The following MCPH1 variants were observed in gnomAD, a reference collection of about 807,000 sequenced individuals.
The protein encoded by MCPH1 is microcephalin 1.
A neutral mutation model predicts 84.5 loss-of-function variants in MCPH1; 104 were observed. The observed-to-expected ratio is 1.23, with a 90% CI of 1.05 to 1.45. The LOEUF (loss-of-function observed/expected upper bound fraction) is 1.45, where lower values mean the gene tolerates loss of function less well. Ranked by LOEUF, MCPH1 falls within the 40% of genes most tolerant of loss-of-function variation. The pLI, the probability that MCPH1 is intolerant of heterozygous loss-of-function variation, is 0.00. For missense variants in MCPH1, 1,498 were observed against 1,005.7 expected (o/e 1.49, Z -6.62); for synonymous variants, 514 against 366.8 (o/e 1.40, Z -4.58).
rs12674488 is a variant in MCPH1, at chr8:6,480,785, C to A, written c.2045C>A (p.Thr682Asn). The A allele has an allele frequency of 0.15, 244,632 of 1,613,986 alleles. 19,359 individuals carry two copies. The highest frequency in any genetic ancestry group is 0.24 in the Middle Eastern group (1,466 of 6,060). The change falls in exon 11 of 14, where the codon ACC becomes AAC. Residue 682 changes from threonine to asparagine, a missense_variant. Physicochemically the swap from Thr to Asn is moderately conservative, Grantham distance 65. Coordinates refer to ENST00000344683, the MANE Select transcript of MCPH1 (RefSeq NM_024596.5). ...TCAATTGCACCAGACGTCTGTGAGA[C>A]CACGACTCACGTGCTTTCCGGGAAG... ...GFSIAPDVCE[T>N]TTHVLSGKPL...
At chr8:6,628,617 G>C (rs1324550421) in intron 13 of MCPH1, among the ~76,000 whole-genome samples, 3 of 152,130 alleles carry the variant, frequency 2.0e-5, no homozygotes, top group South Asian at 2.1e-4. Flanking sequence ...GTTGGTTTGA[G>C]AAGTGAAACC....
intron 9 of MCPH1, chr8:6,474,174 C>A: frequency 1.4e-6 from 1 of 737,082 alleles, no homozygotes; most frequent in Non-Finnish European, 2.5e-6. Context: ...TCTAACTCAT[C>A]AGCTACTCTG....
intron 3 of MCPH1, among the ~76,000 whole-genome samples, chr8:6,416,729 C>T (rs1417017231): frequency 1.3e-5 from 2 of 152,144 alleles, no homozygotes; most frequent in Non-Finnish European, 2.9e-5. Flanking sequence ...TGCGGTGGCT[C>T]ACACCTGTAA....
At chr8:6,547,555 C>T (rs546199329) in intron 12 of MCPH1, among the ~76,000 whole-genome samples, 3 of 152,260 alleles carry the variant, frequency 2.0e-5, no homozygotes, top group East Asian at 1.9e-4. Flanking sequence ...ATCAAAGGGG[C>T]GCAGAGTCAC....
At chr8:6,411,299 A>G (rs982263087) in intron 2 of MCPH1, among the ~76,000 whole-genome samples, 1 of 152,210 alleles carries the variant, frequency 6.6e-6, no homozygotes, top group Non-Finnish European at 1.5e-5. Context: ...TTTTTATCTT[A>G]TAAGGAAGCC....
At chr8:6,534,643 T>A (rs949653955) in intron 12 of MCPH1, among the ~76,000 whole-genome samples, 5 of 152,142 alleles carry the variant, frequency 3.3e-5, no homozygotes, top group Non-Finnish European at 7.3e-5. Context: ...AAAAAATTTT[T>A]AAAAATTTAA....
chr8:6,438,871 G>A (rs1803063708), intron 5 of MCPH1, 82 bp from the exon 6 acceptor site: 1 of 1,291,344 alleles, frequency 7.7e-7, no homozygotes, highest in Non-Finnish European at 1.1e-6. Context: ...GGGGTGTGGG[G>A]GGTTGTTCTT....
chr8:6,563,947 A>C (rs1288381670), intron 12 of MCPH1, among the ~76,000 whole-genome samples: 2 of 151,084 alleles, frequency 1.3e-5, no homozygotes, highest in African/African-American at 4.8e-5. Context: ...ATTAGAATTT[A>C]AGTGCCTGTG....
intron 12 of MCPH1, among the ~76,000 whole-genome samples, chr8:6,533,530 AT>A (rs1219519493): frequency 7.4e-6 from 1 of 136,010 alleles, no homozygotes; most frequent in Non-Finnish European, 1.6e-5. Context: ...TTTTAAAGTC[AT>A]TGTGTATGCG....
intron 12 of MCPH1, among the ~76,000 whole-genome samples, chr8:6,563,771 C>G (rs1404883525): frequency 6.6e-6 from 1 of 152,122 alleles, no homozygotes; most frequent in Non-Finnish European, 1.5e-5. Flanking sequence ...AGCCAAGTTA[C>G]AAAAGATTTT....
intron 12 of MCPH1, chr8:6,509,155 A>G (rs548426631): frequency 1.1e-5 from 17 of 1,503,098 alleles, no homozygotes; most frequent in Non-Finnish European, 1.4e-5. Context: ...CATTCTACAG[A>G]AGCGTGTTCT....
At chr8:6,534,206 A>T (rs113006391) in intron 12 of MCPH1, among the ~76,000 whole-genome samples, 1,417 of 140,196 alleles carry the variant, frequency 0.01, 26 homozygotes, top group African/African-American at 0.033. Flanking sequence ...AATATATTTT[A>T]AAAAAAAAAT....
intron 8 of MCPH1, among the ~76,000 whole-genome samples, chr8:6,453,864 G>C (rs572512069): frequency 5.5e-4 from 84 of 152,296 alleles, no homozygotes; most frequent in African/African-American, 1.9e-3. Context: ...GTCTCGAGTG[G>C]ATTCAGTATT....
chr8:6,511,290 T>C (rs1586243809), intron 12 of MCPH1, among the ~76,000 whole-genome samples: 1 of 63,134 alleles, frequency 1.6e-5, no homozygotes, highest in East Asian at 3.2e-4. Context: ...TATGGGTTGA[T>C]TTTTTTTTTT....
chr8:6,622,604 A>G (rs1300327583), intron 13 of MCPH1, among the ~76,000 whole-genome samples: 2 of 152,142 alleles, frequency 1.3e-5, no homozygotes, highest in Admixed American at 1.3e-4. Context: ...GCTTCAAACA[A>G]CACGCATTGT....
At chr8:6,528,914 G>C (rs936413519) in intron 12 of MCPH1, among the ~76,000 whole-genome samples, 1 of 152,150 alleles carries the variant, frequency 6.6e-6, no homozygotes, top group Non-Finnish European at 1.5e-5. Flanking sequence ...AAAGTCCTTG[G>C]CCAACGTAAG....
At chr8:6,610,128 C>G (rs914514589) in intron 12 of MCPH1, among the ~76,000 whole-genome samples, 1 of 152,198 alleles carries the variant, frequency 6.6e-6, no homozygotes, top group Non-Finnish European at 1.5e-5. Flanking sequence ...AGTCTCCTTG[C>G]TTTGACATCC....
intron 5 of MCPH1, 32 bp from the exon 6 acceptor site, chr8:6,438,921 G>A (rs766854409): frequency 1.9e-6 from 3 of 1,603,292 alleles, no homozygotes; most frequent in Admixed American, 3.3e-5. Context: ...GGCACTTTTT[G>A]GTCTTAAAGT....
chr8:6,427,574 C>G (rs1801238344), intron 3 of MCPH1, among the ~76,000 whole-genome samples: 1 of 151,930 alleles, frequency 6.6e-6, no homozygotes, highest in African/African-American at 2.4e-5. Flanking sequence ...AGACGGCATT[C>G]TTGCTACGTT....
Sources: gnomAD v4.1 joint callset for allele counts (sites outside exome capture counted in the v4.1 genomes callset) on GRCh38, gnomAD v4.1.1 for gene constraint, MANE v1.5 for transcripts, NCBI Gene and HGNC (gene_info 2026-07-23, HGNC 2026-07-21) for gene names.